The following SAMD4A variants were observed in gnomAD, a reference collection of about 807,000 sequenced individuals.
SAMD4A encodes sterile alpha motif domain containing 4A.
Under a neutral mutation model 81.3 loss-of-function variants are expected in SAMD4A, and 33 were observed. The ratio of observed to expected loss-of-function variants is 0.41; its 90% CI spans 0.31 to 0.54. The LOEUF is 0.54. SAMD4A is among the 20% of genes least tolerant of loss of function. SAMD4A has a pLI of 0.37. For synonymous variants in SAMD4A, 389 were observed against 382.1 expected (o/e 1.02, Z -0.21); for missense variants, 854 against 951.1 (o/e 0.90, Z 1.34).
At chr14:54,743,351 G>A (rs1351834491) in intron 4 of SAMD4A, among the ~76,000 whole-genome samples, 5 of 152,222 alleles carry the variant, frequency 3.3e-5, no homozygotes, top group Admixed American at 3.3e-4. Context: ...AGGGATGAGT[G>A]CCCCTGGGCC....
chr14:54,601,435 A>T (rs995857662), intron 2 of SAMD4A, among the ~76,000 whole-genome samples: 2 of 152,188 alleles, frequency 1.3e-5, no homozygotes, highest in East Asian at 1.9e-4. Context: ...TTATTGGTTC[A>T]TCTTTGGTGT....
intron 2 of SAMD4A, among the ~76,000 whole-genome samples, chr14:54,640,371 G>A (rs530786607): frequency 1.8e-4 from 27 of 152,190 alleles, no homozygotes; most frequent in Non-Finnish European, 3.4e-4. Context: ...GGTCCCTATT[G>A]ACACAGAATC....
At chr14:54,642,232 AG>A (rs1417222345) in intron 2 of SAMD4A, among the ~76,000 whole-genome samples, 1 of 152,338 alleles carries the variant, frequency 6.6e-6, no homozygotes, top group African/African-American at 2.4e-5. Flanking sequence ...CATCTCACTA[AG>A]GGCAGGGGAC....
chr14:54,699,532 T>TA (rs1048004961), intron 2 of SAMD4A, among the ~76,000 whole-genome samples: 11 of 152,296 alleles, frequency 7.2e-5, no homozygotes, highest in African/African-American at 2.6e-4. Flanking sequence ...CTGTCCATGA[T>TA]AAAAAATACA....
chr14:54,737,143 A>G lies in SAMD4A; in HGVS notation c.835A>G (p.Arg279Gly), dbSNP rs2037716381. Residue 279 changes from arginine (R) to glycine (G), a missense_variant, in exon 4 of 13, where the codon AGA (arginine) becomes GGA (glycine). By Grantham distance (125) the Arg-to-Gly change is moderately radical (BLOSUM62 -2). This residue lies in a region of SAMD4A where 387 missense variants were observed against 405.8 expected (regional missense o/e 0.95). Transcript: ENST00000554335. ...GATGTCTCATGAGGACTTACGAGCTAGAGGACCCCAGTGCCTCCCATCCGA... is the reference window on the plus strand; with the variant it reads ...GATGTCTCATGAGGACTTACGAGCTGGAGGACCCCAGTGCCTCCCATCCGA... ...GWMSHEDLRA[R>G]GPQCLPSDHA... The G allele has an allele frequency of 6.2e-7, 1 of 1,614,106 alleles. No individual in the cohort carries two copies. The highest frequency in any genetic ancestry group is 1.6e-4 in the Middle Eastern group (1 of 6,062).
chr14:54,773,050 G>C (rs35005121), intron 9 of SAMD4A, among the ~76,000 whole-genome samples: 6,440 of 152,274 alleles, frequency 0.042, 246 homozygotes, highest in African/African-American at 0.1. Context: ...AAGAACCTGT[G>C]AGTGTCCTCC....
At chr14:54,609,367 C>T (rs1349702057) in intron 2 of SAMD4A, among the ~76,000 whole-genome samples, 1 of 152,154 alleles carries the variant, frequency 6.6e-6, no homozygotes, top group African/African-American at 2.4e-5. Flanking sequence ...TAGAGCCTCC[C>T]GAAGATGTGA....
chr14:54,619,302 T>C (rs934398554), intron 2 of SAMD4A, among the ~76,000 whole-genome samples: 12 of 152,220 alleles, frequency 7.9e-5, no homozygotes, highest in Non-Finnish European at 1.2e-4. Context: ...TTAAAATTCT[T>C]TAATCCCTCG....
intron 3 of SAMD4A, among the ~76,000 whole-genome samples, chr14:54,719,752 C>T (rs947533704): frequency 2.0e-5 from 3 of 152,134 alleles, no homozygotes; most frequent in African/African-American, 7.2e-5. Context: ...CTCTCTTGGC[C>T]TTGATTTCAT....
chr14:54,680,271 A>G (rs1179931675), intron 2 of SAMD4A, among the ~76,000 whole-genome samples: 1 of 152,250 alleles, frequency 6.6e-6, no homozygotes, highest in African/African-American at 2.4e-5. Context: ...GAAAAAAGTC[A>G]CTGCTCAGAA....
intron 2 of SAMD4A, among the ~76,000 whole-genome samples, chr14:54,569,427 G>T (rs1198168620): frequency 6.6e-6 from 1 of 152,206 alleles, no homozygotes; most frequent in Non-Finnish European, 1.5e-5. Context: ...AGACAGGACT[G>T]CACCCGAAAG....
intron 2 of SAMD4A, among the ~76,000 whole-genome samples, chr14:54,672,306 A>G (rs1032318476): frequency 5.3e-5 from 8 of 151,388 alleles, no homozygotes; most frequent in Non-Finnish European, 1.0e-4. Context: ...AGTCATCTTT[A>G]CTCTTCCTAA....
chr14:54,641,929 T>G (rs1210594095), intron 2 of SAMD4A, among the ~76,000 whole-genome samples: 1 of 152,036 alleles, frequency 6.6e-6, no homozygotes, highest in Non-Finnish European at 1.5e-5. Context: ...TCCTGAGTAG[T>G]TGGGATTACA....
intron 2 of SAMD4A, 105 bp downstream of exon 2, chr14:54,568,217 C>A: frequency 8.9e-7 from 1 of 1,118,520 alleles, no homozygotes; most frequent in Non-Finnish European, 1.2e-6. Flanking sequence ...GCCAGCCGCG[C>A]CGGGACCTGG....
chr14:54,619,229 G>A (rs2034559118), intron 2 of SAMD4A, among the ~76,000 whole-genome samples: 1 of 152,134 alleles, frequency 6.6e-6, no homozygotes, highest in Non-Finnish European at 1.5e-5. Flanking sequence ...TCTTAATTCA[G>A]ATATGGTTGT....
At chr14:54,771,770 C>T (rs560170662) in intron 9 of SAMD4A, among the ~76,000 whole-genome samples, 3 of 152,296 alleles carry the variant, frequency 2.0e-5, no homozygotes, top group South Asian at 4.1e-4. Context: ...AGAAGGCATT[C>T]GGAGGTTGGA....
intron 2 of SAMD4A, among the ~76,000 whole-genome samples, chr14:54,695,641 A>G (rs758120566): frequency 6.6e-6 from 1 of 152,184 alleles, no homozygotes; most frequent in Non-Finnish European, 1.5e-5. Flanking sequence ...GAAGCCCGCA[A>G]TCACCTTCCT....
intron 4 of SAMD4A, among the ~76,000 whole-genome samples, chr14:54,737,561 T>TG (rs1555349206): frequency 6.5e-5 from 8 of 122,650 alleles, no homozygotes; most frequent in East Asian, 2.5e-4. Flanking sequence ...TTTTTTTTTT[T>TG]GCATTGCAGT....
chr14:54,685,594 T>C, intron 2 of SAMD4A: 1 of 428,210 alleles, frequency 2.3e-6, no homozygotes, highest in Non-Finnish European at 4.7e-6. Context: ...TAGATTTTTT[T>C]TCTTTGTGGT....
Sources: gnomAD v4.1 joint callset for allele counts (sites outside exome capture counted in the v4.1 genomes callset) on GRCh38, gnomAD v4.1.1 for gene constraint, gnomAD v4.1.1 regional missense constraint, MANE v1.5 for transcripts, NCBI Gene and HGNC (gene_info 2026-07-23, HGNC 2026-07-21) for gene names.